Variants in TEX14 observed in about 807,000 individuals in gnomAD.
The protein encoded by TEX14 is inactive serine/threonine-protein kinase TEX14.
Under a neutral mutation model 178.6 loss-of-function variants are expected in TEX14, and 168 were observed. That is an observed-to-expected ratio of 0.94 (90% CI 0.83 to 1.07). The LOEUF (loss-of-function observed/expected upper bound fraction) is 1.07, where lower values mean the gene tolerates loss of function less well. Ranked by LOEUF, TEX14 falls within the 50% of genes least tolerant of loss-of-function variation. The probability of loss-of-function intolerance (pLI) is 0.00; values close to 1 mark genes in which losing one functional copy is unlikely to be tolerated. For synonymous variants in TEX14, 626 were observed against 634.1 expected, an observed-to-expected ratio of 0.99 and a Z score of 0.19; for missense variants, 1,730 against 1,753.6, an observed-to-expected ratio of 0.99 and a Z score of 0.24.
At chr17:58,641,020 C>T (rs913576067) in intron 2 of TEX14, among the ~76,000 whole-genome samples, 11 of 152,104 alleles carry the variant, frequency 7.2e-5, no homozygotes, top group African/African-American at 2.7e-4. Context: ...ATACCCTGCC[C>T]ATCAGTGGTT....
At chr17:58,581,792 G>A (rs1598355827) in intron 19 of TEX14, 1 of 1,571,390 alleles carries the variant, frequency 6.4e-7, no homozygotes, top group East Asian at 2.3e-5. Context: ...TCCCTTTATA[G>A]TTGGATGCAG....
chr17:58,630,405 C>G (rs754880444), intron 3 of TEX14, 35 bp downstream of exon 3: 7 of 1,450,334 alleles, frequency 4.8e-6, no homozygotes, highest in Non-Finnish European at 5.8e-6. Flanking sequence ...ACAGCACAAC[C>G]CCTATTTTCT....
intron 1 of TEX14, among the ~76,000 whole-genome samples, chr17:58,677,249 T>C (rs2047410764): frequency 6.6e-6 from 1 of 152,104 alleles, no homozygotes; most frequent in Non-Finnish European, 1.5e-5. Context: ...AGCACCACTG[T>C]ACTCCAGTCT....
intron 1 of TEX14, among the ~76,000 whole-genome samples, chr17:58,685,977 A>G (rs540976502): frequency 3.1e-5 from 4 of 129,012 alleles, no homozygotes; most frequent in African/African-American, 1.2e-4. Context: ...CCTGGGCGAC[A>G]GGGCAAGACT....
At chr17:58,563,654 T>TAG (rs2044326356) in intron 28 of TEX14, among the ~76,000 whole-genome samples, 3 of 20,078 alleles carry the variant, frequency 1.5e-4, no homozygotes, top group Non-Finnish European at 2.3e-4. Flanking sequence ...TATATATATA[T>TAG]ATATAGAGAG....
intron 2 of TEX14, among the ~76,000 whole-genome samples, chr17:58,651,619 T>C (rs76337683): frequency 5.3e-4 from 80 of 152,180 alleles, no homozygotes; most frequent in East Asian, 2.3e-3. Flanking sequence ...AGAGAAACCA[T>C]AGGAGCCTAG....
At chr17:58,662,715 CAAGG>C (rs1402343595) in intron 1 of TEX14, among the ~76,000 whole-genome samples, 1 of 152,028 alleles carries the variant, frequency 6.6e-6, no homozygotes, top group Non-Finnish European at 1.5e-5. Flanking sequence ...TCATGGGAGT[CAAGG>C]AAGGAAGGGT....
intron 8 of TEX14, 124 bp from the exon 9 acceptor site, chr17:58,613,668 CTTT>C: frequency 2.0e-6 from 2 of 986,652 alleles, no homozygotes; most frequent in Non-Finnish European, 2.8e-6. Context: ...CTTTTCTTTT[CTTT>C]TTTTTTTGAC....
intron 2 of TEX14, chr17:58,631,655 C>A (rs1191507170): frequency 6.6e-6 from 1 of 151,826 alleles, no homozygotes; most frequent in African/African-American, 2.4e-5. Flanking sequence ...CTCAGACTGC[C>A]TTCTCTAGAG....
chr17:58,561,678 A>AT, intron 28 of TEX14, 66 bp from the exon 29 acceptor site: 1 of 1,081,206 alleles, frequency 9.2e-7, no homozygotes, highest in Non-Finnish European at 1.4e-6. Context: ...ACAAAGATGC[A>AT]TAACACTTTA....
At chr17:58,567,116 G>A (rs1205284630) in intron 26 of TEX14, among the ~76,000 whole-genome samples, 1 of 152,148 alleles carries the variant, frequency 6.6e-6, no homozygotes, top group African/African-American at 2.4e-5. Flanking sequence ...GCAGTGAGCT[G>A]AGATCACTCC....
chr17:58,571,134 A>C (rs2044514284), intron 24 of TEX14, among the ~76,000 whole-genome samples: 1 of 152,082 alleles, frequency 6.6e-6, no homozygotes, highest in Non-Finnish European at 1.5e-5. Flanking sequence ...AACACATAAA[A>C]TTCCTTGTCA....
At chr17:58,663,422 CA>C (rs764235419) in intron 1 of TEX14, among the ~76,000 whole-genome samples, 244 of 57,828 alleles carry the variant, frequency 4.2e-3, no homozygotes, top group Middle Eastern at 0.034. Flanking sequence ...AACTCCGTCT[CA>C]AAAAAAAAAA....
chr17:58,604,246 G>T (rs2144491114), intron 11 of TEX14, among the ~76,000 whole-genome samples: 1 of 151,732 alleles, frequency 6.6e-6, no homozygotes, highest in South Asian at 2.1e-4. Flanking sequence ...GCCGAGGTGG[G>T]TAGATCACAA....
intron 14 of TEX14, among the ~76,000 whole-genome samples, chr17:58,594,646 C>T (rs1005460838): frequency 6.6e-6 from 1 of 152,114 alleles, no homozygotes; most frequent in Admixed American, 6.6e-5. Context: ...AGACACCGCA[C>T]CCTGACACTA....
chr17:58,583,332 T>C (rs556030541), intron 19 of TEX14, among the ~76,000 whole-genome samples: 1 of 152,190 alleles, frequency 6.6e-6, no homozygotes, highest in Admixed American at 6.5e-5. Context: ...GGTCTTGCCA[T>C]GTTGCCAAGG....
chr17:58,598,748 G>T, intron 14 of TEX14, 128 bp downstream of exon 14: 1 of 956,838 alleles, frequency 1.0e-6, no homozygotes, highest in Non-Finnish European at 1.6e-6. Flanking sequence ...TCCCACTCAG[G>T]TTACCTGATG....
At chr17:58,566,559 G>A (rs966239313) in intron 26 of TEX14, among the ~76,000 whole-genome samples, 9 of 152,172 alleles carry the variant, frequency 5.9e-5, no homozygotes, top group Non-Finnish European at 1.3e-4. Flanking sequence ...AGCATTTTGG[G>A]AGGCCGAGGC....
At chr17:58,593,508 A>T in intron 15 of TEX14, 47 bp downstream of exon 15, 3 of 1,385,544 alleles carry the variant, frequency 2.2e-6, no homozygotes, top group Non-Finnish European at 3.1e-6. Context: ...AGACACACAG[A>T]AGTCTAAAGG....
Sources: gnomAD v4.1 joint callset for allele counts (sites outside exome capture counted in the v4.1 genomes callset) on GRCh38, gnomAD v4.1.1 for gene constraint, MANE v1.5 for transcripts, NCBI Gene and HGNC (gene_info 2026-07-23, HGNC 2026-07-21) for gene names.